The following LOC128125817 variants were observed in gnomAD, a reference collection of about 807,000 sequenced individuals.
chr1:41,591,196 C>G, the LOC128125817 span, among the ~76,000 whole-genome samples: 2 of 152,168 alleles, frequency 1.3e-5, no homozygotes, highest in African/African-American at 2.4e-5. Flanking sequence ...TGTCATAAGA[C>G]TGACTGGGGT....
At chr1:41,621,896 C>A in the LOC128125817 span, among the ~76,000 whole-genome samples, 1 of 152,190 alleles carries the variant, frequency 6.6e-6, no homozygotes, top group Non-Finnish European at 1.5e-5. Context: ...TCTTTCCCAC[C>A]CTGCAACATC....
chr1:41,618,582 C>T, the LOC128125817 span, among the ~76,000 whole-genome samples: 10 of 152,160 alleles, frequency 6.6e-5, no homozygotes, highest in Admixed American at 3.3e-4. Flanking sequence ...GCCCCTGTCC[C>T]GTTCTTTCCC....
the LOC128125817 span, among the ~76,000 whole-genome samples, chr1:41,602,810 T>C: frequency 6.6e-6 from 1 of 152,012 alleles, no homozygotes; most frequent in Non-Finnish European, 1.5e-5. Flanking sequence ...TAAAGTTAGG[T>C]TGCTTATTTG....
At chr1:41,628,252 G>T in the LOC128125817 span, among the ~76,000 whole-genome samples, 1 of 152,192 alleles carries the variant, frequency 6.6e-6, no homozygotes, top group African/African-American at 2.4e-5. Flanking sequence ...GGTGGGGTGA[G>T]AAAGGGGACT....
the LOC128125817 span, among the ~76,000 whole-genome samples, chr1:41,614,836 T>C: frequency 6.6e-6 from 1 of 152,206 alleles, no homozygotes; most frequent in Non-Finnish European, 1.5e-5. Flanking sequence ...GATGATACGC[T>C]GGCCAGTTCC....
chr1:41,593,305 C>A, the LOC128125817 span, among the ~76,000 whole-genome samples: 1 of 152,126 alleles, frequency 6.6e-6, no homozygotes, highest in African/African-American at 2.4e-5. Context: ...TTATATTGAT[C>A]TGCGACTTGT....
chr1:41,605,288 G>A, the LOC128125817 span, among the ~76,000 whole-genome samples: 47 of 151,592 alleles, frequency 3.1e-4, 1 homozygote, highest in Admixed American at 1.3e-3. Context: ...TATTTACTCC[G>A]AAGGGGCATG....
At chr1:41,617,324 A>G in the LOC128125817 span, among the ~76,000 whole-genome samples, 2 of 152,212 alleles carry the variant, frequency 1.3e-5, no homozygotes, top group African/African-American at 4.8e-5. Context: ...TAAAATACCT[A>G]TGGGGCCTAT....
chr1:41,624,523 G>A, the LOC128125817 span, among the ~76,000 whole-genome samples: 1 of 152,204 alleles, frequency 6.6e-6, no homozygotes, highest in Non-Finnish European at 1.5e-5. Flanking sequence ...GTTAGGAAGA[G>A]TGGAGCTCTT....
the LOC128125817 span, among the ~76,000 whole-genome samples, chr1:41,623,039 C>T: frequency 1.3e-5 from 2 of 152,182 alleles, no homozygotes; most frequent in East Asian, 3.8e-4. Context: ...GAGACAGAGC[C>T]CGGATGCAAA....
the LOC128125817 span, among the ~76,000 whole-genome samples, chr1:41,591,946 G>A: frequency 8.5e-5 from 13 of 152,072 alleles, no homozygotes; most frequent in Admixed American, 1.3e-4. Flanking sequence ...TGAGTCCTCC[G>A]ATCTGCTGTT....
At chr1:41,617,883 T>TC in the LOC128125817 span, among the ~76,000 whole-genome samples, 1 of 151,462 alleles carries the variant, frequency 6.6e-6, no homozygotes, top group African/African-American at 2.4e-5. Flanking sequence ...TAAGCATCTT[T>TC]TAGTTCAGTG....
At chr1:41,598,534 A>G in the LOC128125817 span, among the ~76,000 whole-genome samples, 8 of 152,250 alleles carry the variant, frequency 5.3e-5, no homozygotes, top group African/African-American at 1.4e-4. Context: ...TCTTGCCCAC[A>G]TGGCAGGATA....
the LOC128125817 span, among the ~76,000 whole-genome samples, chr1:41,613,033 C>T: frequency 6.6e-6 from 1 of 152,230 alleles, no homozygotes; most frequent in Non-Finnish European, 1.5e-5. Context: ...CTCCAAGGGA[C>T]CTGGACAGGG....
At chr1:41,627,620 C>T in the LOC128125817 span, among the ~76,000 whole-genome samples, 4 of 152,136 alleles carry the variant, frequency 2.6e-5, no homozygotes, top group Non-Finnish European at 5.9e-5. Flanking sequence ...TGCCTGTGGC[C>T]CCATCCCCTT....
At chr1:41,612,923 G>A in the LOC128125817 span, among the ~76,000 whole-genome samples, 1 of 152,214 alleles carries the variant, frequency 6.6e-6, no homozygotes, top group Non-Finnish European at 1.5e-5. Flanking sequence ...CATGTTTCTT[G>A]TTTGCCACAC....
the LOC128125817 span, among the ~76,000 whole-genome samples, chr1:41,599,497 A>T: frequency 1.3e-5 from 2 of 152,230 alleles, no homozygotes; most frequent in East Asian, 3.8e-4. Context: ...TTGGGAGAGG[A>T]TATTTGCAAC....
the LOC128125817 span, among the ~76,000 whole-genome samples, chr1:41,599,490 G>C: frequency 6.6e-6 from 1 of 152,098 alleles, no homozygotes; most frequent in Non-Finnish European, 1.5e-5. Context: ...CCATGGGTTG[G>C]GAGAGGATAT....
At chr1:41,592,057 T>C in the LOC128125817 span, among the ~76,000 whole-genome samples, 1 of 152,128 alleles carries the variant, frequency 6.6e-6, no homozygotes, top group Non-Finnish European at 1.5e-5. Flanking sequence ...GGTGGGACAG[T>C]GAGTAGCACA....
Sources: allele counts gnomAD v4.1 joint callset (sites outside exome capture counted in the v4.1 genomes callset), GRCh38; gene constraint gnomAD v4.1.1; transcripts MANE v1.5.